The following SH3GL3 variants were observed in gnomAD, a reference collection of about 807,000 sequenced individuals.
The protein encoded by SH3GL3 is endophilin-A3.
SH3GL3 carries 33 observed loss-of-function variants against 47.7 expected under a neutral mutation model. That is an observed-to-expected ratio of 0.69 (90% confidence interval 0.52 to 0.92). The LOEUF (loss-of-function observed/expected upper bound fraction) is 0.92. Among genes scored for constraint, SH3GL3 ranks in the 40% least tolerant of loss-of-function variants. The pLI is 0.00. For synonymous variants in SH3GL3, 155 were observed against 148.8 expected (o/e 1.04, Z -0.30); for missense variants, 363 against 417.8 (o/e 0.87, Z 1.14).
downstream of SH3GL3, among the ~76,000 whole-genome samples, chr15:83,620,111 G>A (rs1054318823): frequency 6.6e-6 from 1 of 152,176 alleles, no homozygotes; most frequent in African/African-American, 2.4e-5. Flanking sequence ...CAGGAATTCA[G>A]TCACATCTTC....
At chr15:83,598,704 T>C (rs2060298507) in intron 8 of SH3GL3, among the ~76,000 whole-genome samples, 1 of 152,222 alleles carries the variant, frequency 6.6e-6, no homozygotes, top group South Asian at 2.1e-4. Context: ...TCAATTCTCT[T>C]ATATTCATTC....
Position 83,587,085 on chromosome 15 carries a change from C to A in SH3GL3, c.727C>A (p.Arg243=). 5 of 1,555,372 alleles carry A rather than the reference C, an allele frequency of 3.2e-6. No individual in the cohort carries two copies. Among genetic ancestry groups the A allele is most frequent in the Non-Finnish European group, 4.4e-6 (5 of 1,131,818 alleles). Residue 243 remains arginine, a splice_region_variant and synonymous_variant, in exon 7 of 9, where the codon CGA becomes AGA. Coordinates refer to ENST00000427482, the MANE Select transcript of SH3GL3 (RefSeq NM_003027.5). ...LQELQSKLQM[R]ISAASSVPRR... is the part of the protein sequence containing the mutation. Reference sequence around the variant, plus strand: ...GGAGCTGCAGAGCAAGCTACAGATGCGGTAAGCACCTCCACGTTTCTTACA... The same window carrying A: ...GGAGCTGCAGAGCAAGCTACAGATGAGGTAAGCACCTCCACGTTTCTTACA...
intron 1 of SH3GL3, among the ~76,000 whole-genome samples, chr15:83,468,289 A>G (rs1469667655): frequency 6.6e-6 from 1 of 152,200 alleles, no homozygotes. Flanking sequence ...GGGATTTTCT[A>G]TGTAAACAAT....
At chr15:83,591,810 C>G (rs987341035) in intron 8 of SH3GL3, among the ~76,000 whole-genome samples, 6 of 152,312 alleles carry the variant, frequency 3.9e-5, no homozygotes, top group South Asian at 2.1e-4. Context: ...CTCGGCCCCC[C>G]GAGTAGCTGA....
At chr15:83,572,065 G>A (rs2045845857) in intron 4 of SH3GL3, among the ~76,000 whole-genome samples, 1 of 152,176 alleles carries the variant, frequency 6.6e-6, no homozygotes, top group African/African-American at 2.4e-5. Flanking sequence ...GAGAGGGCAG[G>A]GAGGCTTAGA....
chr15:83,466,595 C>T lies in SH3GL3; in HGVS notation c.45+19017C>T, dbSNP rs144553864. On this transcript the variant is annotated intron_variant, in intron 1 of 8. Coordinates refer to ENST00000427482, the MANE Select transcript of SH3GL3 (RefSeq NM_003027.5). ...AGGTATCAAGGGGAAAGGCATGCTA[C>T]GCTGAATCTGTTTAGGTTTTTAAGA... Among the ~76,000 whole-genome samples the T allele has an allele frequency of 7.5e-3, 1,141 of 152,240 alleles. 11 individuals carry two copies. The highest frequency in any genetic ancestry group is 0.026 in the African/African-American group (1,076 of 41,536).
intron 8 of SH3GL3, among the ~76,000 whole-genome samples, chr15:83,593,312 T>C (rs1170962350): frequency 6.6e-6 from 1 of 152,232 alleles, no homozygotes; most frequent in African/African-American, 2.4e-5. Flanking sequence ...CAATATTGAG[T>C]GTTCCAGGCT....
chr15:83,463,076 A>C (rs2040383679), intron 1 of SH3GL3, among the ~76,000 whole-genome samples: 1 of 152,196 alleles, frequency 6.6e-6, no homozygotes, highest in South Asian at 2.1e-4. Flanking sequence ...TCAGGGAAGC[A>C]TGAAGGGGAA....
In SH3GL3 at chr15:83,474,594, A is replaced by G. The variant is rs143915032; in HGVS notation, c.45+27016A>G. The stretch of plus-strand genomic sequence containing the variant: ...CAGGTTGCCTTTTTCTCAGTTTTTG[A>G]ATAGTGGAAGGATGTTACCTGCTCA... On this transcript the variant is annotated intron_variant, in intron 1 of 8. Transcript: ENST00000427482. 7.5e-4 allele frequency among the ~76,000 whole-genome samples: 114 copies of G among 151,504 alleles called. 2 individuals carry two copies. The East Asian group carries it at 0.018, about 23-fold the overall frequency.
rs1203252099 is a variant in SH3GL3, at chr15:83,565,398, AT to A, written c.187+197del. ...CCTACTGATGAGAAAGAGAACAGCT[AT>A]TTTTGTGAATTTCAGTTGACATCAT... On this transcript the variant is annotated intron_variant, in intron 3 of 8. Coordinates refer to ENST00000427482, the MANE Select transcript of SH3GL3 (RefSeq NM_003027.5). The A allele has an allele frequency of 9.3e-5, 50 of 535,314 alleles. 1 individual carries two copies. In the Admixed American group the frequency reaches 1.4e-3, roughly 15 times the overall value. The allele number at this position is 535,314 out of a possible 1,614,324, so 33.2% of individuals were successfully genotyped here. A position where few individuals can be genotyped will look rare whatever the true frequency, so the allele number is the denominator to read the frequency against.
intron 1 of SH3GL3, among the ~76,000 whole-genome samples, chr15:83,545,739 G>C (rs1434271488): frequency 6.6e-6 from 1 of 152,186 alleles, no homozygotes; most frequent in Non-Finnish European, 1.5e-5. Context: ...ATGTGCATTA[G>C]GGAGTGCCCT....
chr15:83,538,382 A>AT (rs2044015821), intron 1 of SH3GL3, among the ~76,000 whole-genome samples: 1 of 152,242 alleles, frequency 6.6e-6, no homozygotes, highest in Admixed American at 6.5e-5. Flanking sequence ...TTGAAATAAA[A>AT]TGTACATATA....
At chr15:83,605,107 A>G (rs1272030224) in intron 8 of SH3GL3, among the ~76,000 whole-genome samples, 1 of 152,206 alleles carries the variant, frequency 6.6e-6, no homozygotes, top group Non-Finnish European at 1.5e-5. Flanking sequence ...AGGGCGATGT[A>G]CAGAGATCAC....
intron 8 of SH3GL3, among the ~76,000 whole-genome samples, chr15:83,594,741 G>C (rs896197327): frequency 5.3e-5 from 8 of 152,178 alleles, no homozygotes; most frequent in Non-Finnish European, 1.0e-4. Context: ...GGTTAGACTG[G>C]AGTTATGAGT....
At chr15:83,468,350 G>A (rs759991566) in intron 1 of SH3GL3, among the ~76,000 whole-genome samples, 18 of 152,028 alleles carry the variant, frequency 1.2e-4, no homozygotes, top group African/African-American at 1.4e-4. Flanking sequence ...CCAATCTGTA[G>A]GCTATTTATT....
chr15:83,575,415 A>G (rs2059647802), intron 5 of SH3GL3, among the ~76,000 whole-genome samples: 1 of 152,224 alleles, frequency 6.6e-6, no homozygotes, highest in African/African-American at 2.4e-5. Flanking sequence ...ATAGTTTTCT[A>G]AATGCCATCT....
At chr15:83,483,726 C>G (rs1290002401) in intron 1 of SH3GL3, among the ~76,000 whole-genome samples, 2 of 152,222 alleles carry the variant, frequency 1.3e-5, no homozygotes, top group African/African-American at 2.4e-5. Flanking sequence ...TCAGTAACTA[C>G]CACAAGTGCT....
chr15:83,624,108 G>A, the SH3GL3 span, among the ~76,000 whole-genome samples: 9 of 152,304 alleles, frequency 5.9e-5, no homozygotes, highest in Non-Finnish European at 1.0e-4. Context: ...ATCTACATAT[G>A]TTGCCGGATG....
rs71156085 is a variant in SH3GL3, at chr15:83,541,312, ATTTTTTTTTTTTTTTTTTTTTTTT to A, written c.46-17925_46-17902del. Among the ~76,000 whole-genome samples, 14 of 47,368 alleles carry A rather than the reference ATTTTTTTTTTTTTTTTTTTTTTTT, an allele frequency of 3.0e-4. No homozygotes were observed. The South Asian group carries it at 5.7e-3, about 19-fold the overall frequency. The allele number at this position is 47,368 out of a possible 152,430, so 31.1% of individuals were successfully genotyped here. ...GATGGCTGGATCATATGGTAATTCT[ATTTTTTTTTTTTTTTTTTTTTTTT>A]TTTTTTTTTTTTTTTGAGACGGAGT... On this transcript the variant is annotated intron_variant, in intron 1 of 8. Transcript: ENST00000427482.
Sources: gnomAD v4.1 joint callset for allele counts (sites outside exome capture counted in the v4.1 genomes callset) on GRCh38, gnomAD v4.1.1 for gene constraint, MANE v1.5 for transcripts, NCBI Gene and HGNC (gene_info 2026-07-23, HGNC 2026-07-21) for gene names.